Variants in MYO3A observed in about 807,000 individuals in gnomAD.
The protein encoded by MYO3A is myosin-IIIa.
In MYO3A, 180 loss-of-function variants were observed where a neutral mutation model predicts 192.7. That is an observed-to-expected ratio of 0.93 (90% confidence interval 0.83 to 1.06). The LOEUF is 1.06. MYO3A is among the 50% of genes least tolerant of loss of function. The pLI, the probability that MYO3A is intolerant of heterozygous loss-of-function variation, is 0.00. For missense variants in MYO3A, 1,896 were observed against 1,905.0 expected (o/e 1.00, Z 0.09); for synonymous variants, 628 against 645.3 (o/e 0.97, Z 0.41).
chr10:26,202,516 A>G (rs1387311066), intron 33 of MYO3A, among the ~76,000 whole-genome samples: 1 of 152,238 alleles, frequency 6.6e-6, no homozygotes, highest in Non-Finnish European at 1.5e-5. Flanking sequence ...AATGTTATTC[A>G]TGAAGGAGGT....
At position 26,157,389 on chromosome 10, in the gene MYO3A, G is replaced by T. The variant is rs746307707; in HGVS notation, c.2873G>T (p.Arg958Leu). ...CGTTGCATCAAACCAAATAGTGAGCGTCAGGCAAGAAAATATGACAAAGAG... is the reference window on the plus strand; with the variant it reads ...CGTTGCATCAAACCAAATAGTGAGCTTCAGGCAAGAAAATATGACAAAGAG... The part of the protein sequence containing the change: ...FVRCIKPNSE[R>L]QARKYDKEKV... Residue 958 changes from arginine to leucine, a missense_variant, in exon 26 of 35, where the codon CGT (arginine) becomes CTT (leucine). Coordinates refer to ENST00000642920, the MANE Select transcript of MYO3A (RefSeq NM_017433.5). 18 of 1,613,960 alleles carry T rather than the reference G, an allele frequency of 1.1e-5. No homozygotes were observed. The East Asian group carries it at 3.6e-4, about 32-fold the overall frequency.
chr10:26,130,906 G>A (rs1392696521), intron 20 of MYO3A, among the ~76,000 whole-genome samples: 6 of 152,210 alleles, frequency 3.9e-5, no homozygotes, highest in African/African-American at 9.7e-5. Flanking sequence ...TTCTGTAAAT[G>A]AGAAACTGCT....
rs549358546 is a variant in MYO3A, at chr10:26,035,169, T to C, written c.953+8637T>C. On this transcript the variant is annotated intron_variant, in intron 10 of 34. Coordinates refer to ENST00000642920, the MANE Select transcript of MYO3A (RefSeq NM_017433.5). ...AAGGATCCCTCTAGGACCAGGAAAT[T>C]TGGAAAAGAAATAATAACTTACCCT... Among the ~76,000 whole-genome samples, 5 of 152,220 alleles carry C rather than the reference T, an allele frequency of 3.3e-5. No individual in the cohort carries two copies. In the South Asian group the frequency reaches 1.0e-3, roughly 32 times the overall value.
At chr10:26,174,914 T>C (rs1181844411) in intron 30 of MYO3A, among the ~76,000 whole-genome samples, 1 of 152,076 alleles carries the variant, frequency 6.6e-6, no homozygotes, top group Non-Finnish European at 1.5e-5. Context: ...TTCTAAATCC[T>C]CCAAAGTTTA....
rs980794740 is a variant in MYO3A at position 26,153,830 on chromosome 10, AT to A, written c.2636-15del. 2.0e-6 allele frequency: 3 copies of A among 1,465,246 alleles called. No individual in the cohort carries two copies. Among genetic ancestry groups the A allele is most frequent in the Non-Finnish European group, 2.9e-6 (3 of 1,045,574 alleles). The allele number at this position is 1,465,246 out of a possible 1,614,324, so 90.8% of individuals were successfully genotyped here. The stretch of plus-strand genomic sequence containing the variant: ...TTAAGGATTCTAAAAGGTATATTAC[AT>A]TTTTCTACATTCTCATAGGTAATCT... On this transcript the variant is annotated intron_variant, in intron 23 of 34. Coordinates refer to ENST00000642920, the MANE Select transcript of MYO3A (RefSeq NM_017433.5).
chr10:26,103,383 G>C (rs1234766525), intron 17 of MYO3A, among the ~76,000 whole-genome samples: 1 of 152,194 alleles, frequency 6.6e-6, no homozygotes, highest in Non-Finnish European at 1.5e-5. Context: ...TCCGTGGGCT[G>C]CACCCACTGT....
intron 31 of MYO3A, among the ~76,000 whole-genome samples, chr10:26,182,591 A>ATTT: frequency 6.6e-6 from 1 of 152,272 alleles, no homozygotes; most frequent in East Asian, 1.9e-4. Context: ...TCAATAAATA[A>ATTT]TTTTTTTAAG....
chr10:25,983,530 T>A (rs1462688259), intron 4 of MYO3A, among the ~76,000 whole-genome samples: 1 of 152,152 alleles, frequency 6.6e-6, no homozygotes, highest in Admixed American at 6.5e-5. Flanking sequence ...GTGCTGGGAT[T>A]ACAGGTGTGA....
intron 4 of MYO3A, among the ~76,000 whole-genome samples, chr10:25,956,624 T>C (rs535837531): frequency 1.4e-3 from 208 of 151,896 alleles, no homozygotes; most frequent in African/African-American, 4.7e-3. Context: ...GTCTCCATTA[T>C]GGTTTTTAAA....
intron 2 of MYO3A, among the ~76,000 whole-genome samples, chr10:25,949,170 A>G (rs181422328): frequency 1.6e-4 from 25 of 152,226 alleles, no homozygotes; most frequent in African/African-American, 6.0e-4. Context: ...CATGTTTATT[A>G]ATCTATCCAT....
intron 2 of MYO3A, among the ~76,000 whole-genome samples, chr10:25,949,930 A>G (rs1366879060): frequency 6.6e-6 from 1 of 152,204 alleles, no homozygotes; most frequent in East Asian, 1.9e-4. Flanking sequence ...TGCTGTCAGA[A>G]TTAACAATGA....
At chr10:25,981,243 G>A (rs866272069) in intron 4 of MYO3A, among the ~76,000 whole-genome samples, 1 of 152,024 alleles carries the variant, frequency 6.6e-6, no homozygotes, top group Non-Finnish European at 1.5e-5. Flanking sequence ...AAAGTGTACT[G>A]TTATAATTTG....
chr10:25,985,211 G>A (rs1233772538), intron 4 of MYO3A, among the ~76,000 whole-genome samples: 2 of 146,972 alleles, frequency 1.4e-5, no homozygotes, highest in Admixed American at 6.8e-5. Context: ...GCACTCCAGC[G>A]TGGGTGACAA....
chr10:26,005,287 T>G (rs1841114751), intron 6 of MYO3A, among the ~76,000 whole-genome samples: 1 of 152,008 alleles, frequency 6.6e-6, no homozygotes, highest in Non-Finnish European at 1.5e-5. Flanking sequence ...TCAGGAACAG[T>G]CTATAGAACA....
chr10:25,958,434 TG>T (rs1275889602), intron 4 of MYO3A, among the ~76,000 whole-genome samples: 1 of 152,190 alleles, frequency 6.6e-6, no homozygotes, highest in African/African-American at 2.4e-5. Flanking sequence ...CTCTCTGTTC[TG>T]TTCCATTGGT....
At position 26,128,276 on chromosome 10, in the gene MYO3A, T is replaced by C. The variant is rs561762090; in HGVS notation, c.2115-115T>C. On this transcript the variant is annotated intron_variant, in intron 19 of 34. Transcript: ENST00000642920. ...TCAGTTAAGAAAGTTTCACTCTAAG[T>C]GTATGTTCTTATAGTAGTTTCTTAG... The C allele has an allele frequency of 4.8e-6, 5 of 1,045,642 alleles. No homozygotes were observed. The South Asian group carries it at 6.6e-5, about 14-fold the overall frequency. The allele number at this position is 1,045,642 out of a possible 1,614,324, so 64.8% of individuals were successfully genotyped here.
intron 10 of MYO3A, among the ~76,000 whole-genome samples, chr10:26,054,591 G>T (rs1053291390): frequency 1.2e-4 from 18 of 152,202 alleles, no homozygotes; most frequent in African/African-American, 1.4e-4. Flanking sequence ...CCATGCAGTT[G>T]TGATTAAGTC....
chr10:26,198,754 T>TG (rs1843537491), intron 32 of MYO3A, among the ~76,000 whole-genome samples: 1 of 152,194 alleles, frequency 6.6e-6, no homozygotes, highest in Non-Finnish European at 1.5e-5. Flanking sequence ...TAAGACACTA[T>TG]TCTTTAAAGG....
chr10:26,102,556 A>T (rs182180690), intron 17 of MYO3A, among the ~76,000 whole-genome samples: 81 of 152,140 alleles, frequency 5.3e-4, no homozygotes, highest in Non-Finnish European at 8.7e-4. Flanking sequence ...GTCTTTAATG[A>T]TGGTGATGTA....
Sources: gnomAD v4.1 joint callset for allele counts (sites outside exome capture counted in the v4.1 genomes callset) on GRCh38, gnomAD v4.1.1 for gene constraint, MANE v1.5 for transcripts, NCBI Gene and HGNC (gene_info 2026-07-23, HGNC 2026-07-21) for gene names.